The following VPS54 variants were observed in gnomAD, a reference collection of about 807,000 sequenced individuals.
VPS54 encodes the protein vacuolar protein sorting-associated protein 54.
Under a neutral mutation model 121.5 loss-of-function variants are expected in VPS54, and 45 were observed. The observed-to-expected ratio is 0.37, with a 90% CI of 0.29 to 0.47. The LOEUF is 0.47. Ranked by LOEUF, VPS54 falls within the 20% of genes least tolerant of loss-of-function variation. VPS54 has a pLI of 0.99. For missense variants in VPS54, 1,090 were observed against 1,131.4 expected (o/e 0.96, Z 0.52); for synonymous variants, 371 against 385.8 (o/e 0.96, Z 0.45).
At chr2:63,897,368 A>T (rs1672489846) in intron 22 of VPS54, 128 bp downstream of exon 22, 1 of 634,342 alleles carries the variant, frequency 1.6e-6, no homozygotes, top group African/African-American at 1.9e-5. Flanking sequence ...AAAAACACAA[A>T]AGCTTGCTGA....
intron 15 of VPS54, among the ~76,000 whole-genome samples, chr2:63,919,333 T>C (rs1430220448): frequency 6.6e-6 from 1 of 152,080 alleles, no homozygotes; most frequent in Non-Finnish European, 1.5e-5. Context: ...ACATTACTTG[T>C]GATTGCTTAT....
intron 9 of VPS54, among the ~76,000 whole-genome samples, chr2:63,945,715 C>CA (rs1415883334): frequency 4.6e-5 from 7 of 152,018 alleles, no homozygotes; most frequent in African/African-American, 1.7e-4. Context: ...CAAAACTGTT[C>CA]AAAATCCTAC....
intron 20 of VPS54, among the ~76,000 whole-genome samples, chr2:63,909,014 A>C (rs190965048): frequency 5.5e-4 from 84 of 152,244 alleles, no homozygotes; most frequent in Admixed American, 5.2e-4. Context: ...CCTCAACTTC[A>C]TTTGCCCTCA....
intron 3 of VPS54, among the ~76,000 whole-genome samples, chr2:63,980,835 GTGT>G (rs937758425): frequency 4.6e-5 from 7 of 152,000 alleles, no homozygotes; most frequent in African/African-American, 1.7e-4. Flanking sequence ...AACAGTTTTT[GTGT>G]TGTTTTCAAT....
chr2:64,008,090 G>T (rs1169400914), intron 1 of VPS54, among the ~76,000 whole-genome samples: 2 of 152,000 alleles, frequency 1.3e-5, no homozygotes, highest in African/African-American at 4.8e-5. Context: ...TAGGCAAACA[G>T]CAAGAAGCCA....
rs898056268 is a variant in VPS54 at position 63,967,164 on chromosome 2, T to C, written c.493-1198A>G. On this transcript the variant is annotated intron_variant, in intron 5 of 22. Coordinates refer to ENST00000272322, the MANE Select transcript of VPS54 (RefSeq NM_016516.3). ...AACATGGTTTAATCAATTTATGTATTTATTTATATGCTATATTTTATTTAC... is the reference window on the plus strand; with the variant it reads ...AACATGGTTTAATCAATTTATGTATCTATTTATATGCTATATTTTATTTAC... 2.0e-5 allele frequency among the ~76,000 whole-genome samples: 3 copies of C among 152,212 alleles called. No individual in the cohort carries two copies. The East Asian group carries it at 5.8e-4, about 29-fold the overall frequency.
rs142886145 is a variant in VPS54, at chr2:63,949,232, G to T, written c.1011-69C>A. 137 of 1,486,364 alleles carry T rather than the reference G, an allele frequency of 9.2e-5. 1 individual carries two copies. The East Asian group carries it at 3.1e-3, about 33-fold the overall frequency. 92.1% of individuals were successfully genotyped at this position (1,486,364 alleles called of 1,614,324 possible). On this transcript the variant is annotated intron_variant, in intron 7 of 22. Coordinates refer to ENST00000272322, the MANE Select transcript of VPS54 (RefSeq NM_016516.3). ...CTACAAATTCGCTCCACAATCAAGG[G>T]AACTAGTAGGTAAAACTTTTTCAGT...
At chr2:64,018,017 G>A (rs116016805) in intron 1 of VPS54, among the ~76,000 whole-genome samples, 1,878 of 151,992 alleles carry the variant, frequency 0.012, 17 homozygotes, top group Non-Finnish European at 0.015. Context: ...ACTCCCCTTC[G>A]GATTTATAAA....
chr2:63,946,886 C>T (rs1303486768), intron 9 of VPS54, among the ~76,000 whole-genome samples: 2 of 151,940 alleles, frequency 1.3e-5, no homozygotes, highest in Admixed American at 1.3e-4. Context: ...ACTCTCTAAC[C>T]AATACTTCTA....
intron 2 of VPS54, among the ~76,000 whole-genome samples, chr2:63,983,587 C>T (rs551581750): frequency 5.9e-5 from 9 of 151,824 alleles, no homozygotes; most frequent in Admixed American, 3.9e-4. Context: ...AGACTACAGG[C>T]GCCTGCCACC....
intron 20 of VPS54, among the ~76,000 whole-genome samples, chr2:63,900,440 G>A (rs1029924622): frequency 2.0e-5 from 3 of 151,986 alleles, no homozygotes; most frequent in Admixed American, 2.0e-4. Flanking sequence ...GAAACAATAT[G>A]GTAGTATGAC....
intron 22 of VPS54, 77 bp from the exon 23 acceptor site, chr2:63,893,612 G>C (rs1408507489): frequency 8.0e-7 from 1 of 1,246,722 alleles, no homozygotes; most frequent in East Asian, 2.4e-5. Context: ...TGCTCACCGA[G>C]TCAGAGTCCT....
intron 10 of VPS54, among the ~76,000 whole-genome samples, chr2:63,943,117 T>C (rs1674813616): frequency 1.3e-5 from 2 of 152,224 alleles, no homozygotes; most frequent in Non-Finnish European, 2.9e-5. Flanking sequence ...AAATATTATA[T>C]GAGTTAATAA....
chr2:63,921,899 T>A (rs549396380), intron 12 of VPS54, among the ~76,000 whole-genome samples: 71 of 152,332 alleles, frequency 4.7e-4, no homozygotes, highest in African/African-American at 1.6e-3. Context: ...AAATTAAATT[T>A]TTAGATTAGG....
intron 1 of VPS54, among the ~76,000 whole-genome samples, chr2:64,015,762 TA>T (rs147517653): frequency 0.13 from 19,709 of 152,126 alleles, 1,421 homozygotes; most frequent in Middle Eastern, 0.22. Flanking sequence ...AATTTGGATT[TA>T]AAAAAATAAG....
chr2:63,923,455 T>A (rs2104457422), intron 12 of VPS54, among the ~76,000 whole-genome samples: 1 of 152,300 alleles, frequency 6.6e-6, no homozygotes, highest in Non-Finnish European at 1.5e-5. Flanking sequence ...ATCTCTAGGA[T>A]TTATATGTAC....
intron 20 of VPS54, among the ~76,000 whole-genome samples, chr2:63,911,847 A>C (rs186559496): frequency 6.6e-6 from 1 of 152,344 alleles, no homozygotes; most frequent in East Asian, 1.9e-4. Context: ...TAAACAGTGA[A>C]AGATAGATCA....
chr2:63,943,622 A>G (rs1674837249), intron 10 of VPS54, among the ~76,000 whole-genome samples: 1 of 152,222 alleles, frequency 6.6e-6, no homozygotes, highest in African/African-American at 2.4e-5. Context: ...GCCAGCTAAA[A>G]ACATTTAAAT....
chr2:63,941,128 G>A (rs1674710210), intron 11 of VPS54, among the ~76,000 whole-genome samples: 1 of 152,180 alleles, frequency 6.6e-6, no homozygotes, highest in South Asian at 2.1e-4. Context: ...AAAACACAAT[G>A]TTAACACTTG....
Sources: allele counts gnomAD v4.1 joint callset (sites outside exome capture counted in the v4.1 genomes callset), GRCh38; gene constraint gnomAD v4.1.1; transcripts MANE v1.5; gene names NCBI Gene and HGNC (gene_info 2026-07-23, HGNC 2026-07-21).